Variants in DNAH11 observed in about 807,000 individuals in gnomAD.
The protein encoded by DNAH11 is axonemal beta dynein heavy chain 11.
In DNAH11, 442 loss-of-function variants were observed where a neutral mutation model predicts 526.0. The observed-to-expected ratio is 0.84, with a 90% CI of 0.78 to 0.91. DNAH11 has a LOEUF of 0.91. Ranked by LOEUF, DNAH11 falls within the 40% of genes least tolerant of loss-of-function variation. The pLI is 0.00. For missense variants in DNAH11, 6,989 were observed against 5,448.7 expected (o/e 1.28, Z -8.90); for synonymous variants, 2,461 against 1,935.9 (o/e 1.27, Z -7.12).
chr7:21,845,317 T>A (rs910527356), intron 66 of DNAH11, among the ~76,000 whole-genome samples: 1 of 152,222 alleles, frequency 6.6e-6, no homozygotes, highest in African/African-American at 2.4e-5. Context: ...ATTTATGTTT[T>A]CTCTTAGGAG....
At chr7:21,576,809 A>T (rs897965335) in intron 8 of DNAH11, among the ~76,000 whole-genome samples, 1 of 152,254 alleles carries the variant, frequency 6.6e-6, no homozygotes, top group African/African-American at 2.4e-5. Flanking sequence ...TATGATGTTT[A>T]TAACAAAAGT....
At chr7:21,869,211 C>T (rs1179532999) in intron 73 of DNAH11, among the ~76,000 whole-genome samples, 1 of 152,168 alleles carries the variant, frequency 6.6e-6, no homozygotes, top group Non-Finnish European at 1.5e-5. Flanking sequence ...CCATTGTACT[C>T]TAAAATTAAA....
intron 34 of DNAH11, among the ~76,000 whole-genome samples, chr7:21,690,145 A>C (rs1487965537): frequency 6.6e-6 from 1 of 152,156 alleles, no homozygotes; most frequent in Non-Finnish European, 1.5e-5. Context: ...AGAATCCAAT[A>C]AGGTTGGTAA....
intron 62 of DNAH11, 26 bp from the exon 63 acceptor site, chr7:21,807,857 G>C: frequency 6.3e-7 from 1 of 1,576,722 alleles, no homozygotes; most frequent in Non-Finnish European, 8.7e-7. Flanking sequence ...TGCAATTACA[G>C]CTGAGTAATT....
intron 28 of DNAH11, among the ~76,000 whole-genome samples, chr7:21,645,443 G>C (rs1399967202): frequency 6.6e-6 from 1 of 152,196 alleles, no homozygotes; most frequent in Non-Finnish European, 1.5e-5. Flanking sequence ...CAGCAGTTTG[G>C]TGCTGCTTTT....
At chr7:21,607,646 C>A (rs1370078161) in intron 20 of DNAH11, among the ~76,000 whole-genome samples, 1 of 151,872 alleles carries the variant, frequency 6.6e-6, no homozygotes, top group Non-Finnish European at 1.5e-5. Flanking sequence ...AAAAAACAAG[C>A]TTGTGGCCGG....
intron 31 of DNAH11, among the ~76,000 whole-genome samples, chr7:21,683,106 A>G (rs901350772): frequency 2.0e-5 from 3 of 152,190 alleles, no homozygotes; most frequent in Non-Finnish European, 2.9e-5. Flanking sequence ...ACTTTGTCTA[A>G]TACCCAACCA....
chr7:21,839,452 G>A (rs893333468), intron 65 of DNAH11, among the ~76,000 whole-genome samples: 3 of 151,764 alleles, frequency 2.0e-5, no homozygotes, highest in African/African-American at 7.3e-5. Flanking sequence ...GTGGGCGCCT[G>A]TAGTCCCAGC....
intron 18 of DNAH11, among the ~76,000 whole-genome samples, chr7:21,601,891 A>G (rs1785104749): frequency 6.6e-6 from 1 of 152,120 alleles, no homozygotes; most frequent in African/African-American, 2.4e-5. Flanking sequence ...GAAAGAATGT[A>G]GATTGTAAAG....
At chr7:21,639,117 C>G (rs1787006628) in intron 28 of DNAH11, 52 bp downstream of exon 28, 1 of 1,533,482 alleles carries the variant, frequency 6.5e-7, no homozygotes, top group Admixed American at 2.1e-5. Context: ...TGAGGAATGT[C>G]ATAGCGTCTC....
intron 65 of DNAH11, 132 bp downstream of exon 65, chr7:21,818,471 A>C: frequency 2.2e-6 from 2 of 907,954 alleles, no homozygotes; most frequent in South Asian, 1.8e-5. Context: ...ATGCACCTAC[A>C]CTCCAAGACC....
At chr7:21,852,387 A>G in intron 66 of DNAH11, 80 bp from the exon 67 acceptor site, 2 of 1,426,842 alleles carry the variant, frequency 1.4e-6, no homozygotes, top group Non-Finnish European at 1.9e-6. Context: ...AGCCTGGGCG[A>G]CAGAGCAAGA....
intron 21 of DNAH11, 90 bp downstream of exon 21, chr7:21,615,362 T>C (rs1450508233): frequency 2.1e-6 from 3 of 1,430,636 alleles, no homozygotes; most frequent in Non-Finnish European, 2.8e-6. Context: ...ATTTGGGTTT[T>C]ATAATGTCTT....
intron 65 of DNAH11, among the ~76,000 whole-genome samples, chr7:21,833,215 A>T (rs1030130481): frequency 2.0e-5 from 3 of 152,244 alleles, no homozygotes; most frequent in Non-Finnish European, 2.9e-5. Flanking sequence ...ATCAGGGAAT[A>T]TATGTTAGTG....
chr7:21,586,728 T>C (rs370984127), intron 9 of DNAH11, among the ~76,000 whole-genome samples: 12 of 152,348 alleles, frequency 7.9e-5, no homozygotes, highest in African/African-American at 1.4e-4. Context: ...TTGGATACAG[T>C]TTATCTACCA....
intron 65 of DNAH11, among the ~76,000 whole-genome samples, chr7:21,832,636 G>A (rs1360247681): frequency 3.9e-5 from 6 of 152,180 alleles, no homozygotes; most frequent in Admixed American, 2.6e-4. Context: ...CCTAGAGGAA[G>A]GAGCATCGTT....
chr7:21,620,582 A>C (rs1467164588), intron 25 of DNAH11, among the ~76,000 whole-genome samples: 1 of 151,852 alleles, frequency 6.6e-6, no homozygotes, highest in Non-Finnish European at 1.5e-5. Context: ...TTACTATTAT[A>C]CTTTAAGTTT....
intron 44 of DNAH11, among the ~76,000 whole-genome samples, chr7:21,725,598 C>T (rs1015442824): frequency 6.6e-6 from 1 of 152,164 alleles, no homozygotes; most frequent in Admixed American, 6.5e-5. Context: ...TTGCATAATA[C>T]GTTGTCATTA....
intron 41 of DNAH11, 80 bp from the exon 42 acceptor site, chr7:21,711,632 G>A: frequency 3.9e-6 from 6 of 1,538,576 alleles, no homozygotes; most frequent in Non-Finnish European, 5.3e-6. Flanking sequence ...TGATACTTCT[G>A]GTAGGGGAAA....
Sources: allele counts gnomAD v4.1 joint callset (sites outside exome capture counted in the v4.1 genomes callset), GRCh38; gene constraint gnomAD v4.1.1; transcripts MANE v1.5; gene names NCBI Gene and HGNC (gene_info 2026-07-23, HGNC 2026-07-21).